The following KHDRBS2 variants were observed in gnomAD, a reference collection of about 807,000 sequenced individuals.
KHDRBS2 encodes KH RNA binding domain containing, signal transduction associated 2.
In KHDRBS2, 26 loss-of-function variants were observed where a neutral mutation model predicts 44.3. The ratio of observed to expected loss-of-function variants is 0.59; its 90% CI spans 0.43 to 0.81. The LOEUF is 0.81. Ranked by LOEUF, KHDRBS2 falls within the 40% of genes least tolerant of loss-of-function variation. The pLI is 0.00. For missense variants in KHDRBS2, 476 were observed against 433.1 expected, an observed-to-expected ratio of 1.10 and a Z score of -0.88; for synonymous variants, 194 against 151.1, an observed-to-expected ratio of 1.28 and a Z score of -2.08.
intron 3 of KHDRBS2, among the ~76,000 whole-genome samples, chr6:61,987,799 G>GAGCA (rs1451716616): frequency 6.6e-6 from 1 of 152,142 alleles, no homozygotes; most frequent in African/African-American, 2.4e-5. Context: ...AGATCCTGAA[G>GAGCA]AGCACCTCTA....
At chr6:61,715,196 C>T (rs1771185256) in intron 7 of KHDRBS2, among the ~76,000 whole-genome samples, 1 of 151,680 alleles carries the variant, frequency 6.6e-6, no homozygotes, top group African/African-American at 2.4e-5. Flanking sequence ...ACAACGAACG[C>T]ATAGAAATGT....
At chr6:61,598,000 A>G in the KHDRBS2 span, among the ~76,000 whole-genome samples, 1 of 149,798 alleles carries the variant, frequency 6.7e-6, no homozygotes, top group South Asian at 2.1e-4. Flanking sequence ...TAAGGAGCAA[A>G]TATTTTGTAC....
the KHDRBS2 span, among the ~76,000 whole-genome samples, chr6:61,566,740 A>C: frequency 6.6e-6 from 1 of 152,126 alleles, no homozygotes; most frequent in Non-Finnish European, 1.5e-5. Context: ...AGCCAATCAA[A>C]CTATGTTTTC....
chr6:61,704,408 C>A (rs193209896), intron 7 of KHDRBS2, among the ~76,000 whole-genome samples: 1 of 151,800 alleles, frequency 6.6e-6, no homozygotes, highest in Non-Finnish European at 1.5e-5. Flanking sequence ...GTAGGAATTT[C>A]CTGGGTAAGA....
At chr6:61,551,032 C>T in the KHDRBS2 span, among the ~76,000 whole-genome samples, 3 of 152,084 alleles carry the variant, frequency 2.0e-5, no homozygotes, top group Admixed American at 1.3e-4. Context: ...TTGCGGCTCC[C>T]CAGGTTGCTG....
At chr6:61,782,738 T>TATATACAC (rs1554206170) in intron 6 of KHDRBS2, among the ~76,000 whole-genome samples, 10 of 117,876 alleles carry the variant, frequency 8.5e-5, no homozygotes, top group African/African-American at 2.4e-4. Flanking sequence ...TATATATATA[T>TATATACAC]ACACACACAC....
chr6:62,262,631 C>A (rs1215242173), intron 1 of KHDRBS2, among the ~76,000 whole-genome samples: 1 of 151,690 alleles, frequency 6.6e-6, no homozygotes, highest in African/African-American at 2.4e-5. Flanking sequence ...TCTAACCTAT[C>A]TGAAATTCTG....
At chr6:61,752,671 C>CAAAAAAAAA (rs56410130) in intron 6 of KHDRBS2, among the ~76,000 whole-genome samples, 2 of 111,312 alleles carry the variant, frequency 1.8e-5, no homozygotes, top group East Asian at 2.5e-4. Flanking sequence ...TTGTGGTATA[C>CAAAAAAAAA]AAAAAAAAAA....
intron 4 of KHDRBS2, among the ~76,000 whole-genome samples, chr6:61,944,916 C>A (rs1425045727): frequency 6.6e-6 from 1 of 150,976 alleles, no homozygotes; most frequent in Non-Finnish European, 1.5e-5. Context: ...CATGAGGAAA[C>A]CCCATCTCTA....
intron 2 of KHDRBS2, among the ~76,000 whole-genome samples, chr6:62,118,486 G>A (rs761847734): frequency 6.6e-6 from 1 of 152,084 alleles, no homozygotes; most frequent in Non-Finnish European, 1.5e-5. Context: ...GATCACTTTA[G>A]GTAACATTTT....
intron 6 of KHDRBS2, among the ~76,000 whole-genome samples, chr6:61,872,673 A>G (rs938597374): frequency 1.3e-5 from 2 of 152,204 alleles, no homozygotes; most frequent in Admixed American, 6.5e-5. Flanking sequence ...AAAGACGTTA[A>G]TTCTTTCCCA....
At chr6:61,605,715 T>C in the KHDRBS2 span, among the ~76,000 whole-genome samples, 1 of 152,164 alleles carries the variant, frequency 6.6e-6, no homozygotes, top group East Asian at 1.9e-4. Context: ...AAAGCAGCCC[T>C]GAGAAACATC....
rs1330704265 is a variant in KHDRBS2, at chr6:62,025,552, C to CAT, written c.336+22325_336+22326insAT. 5.3e-5 allele frequency among the ~76,000 whole-genome samples: 8 copies of CAT among 151,616 alleles called. No individual in the cohort carries two copies. The East Asian group carries it at 1.5e-3, about 29-fold the overall frequency. The stretch of plus-strand genomic sequence containing the variant: ...AAATTTTTTTTAAATAATACAAGAC[C>CAT]TCAATACCATTATCACACATAATAA... On this transcript the variant is annotated intron_variant, in intron 3 of 8. Transcript: ENST00000281156.
intron 2 of KHDRBS2, among the ~76,000 whole-genome samples, chr6:62,150,125 A>T (rs1814812018): frequency 6.6e-6 from 1 of 152,180 alleles, no homozygotes; most frequent in African/African-American, 2.4e-5. Flanking sequence ...AGAGTCATCC[A>T]GCCAACGGGA....
the KHDRBS2 span, among the ~76,000 whole-genome samples, chr6:61,672,397 T>A: frequency 6.6e-6 from 1 of 152,026 alleles, no homozygotes; most frequent in African/African-American, 2.4e-5. Flanking sequence ...TATTTCTAGT[T>A]CTAGATCCCT....
chr6:61,567,146 A>G, the KHDRBS2 span, among the ~76,000 whole-genome samples: 4 of 152,316 alleles, frequency 2.6e-5, no homozygotes, highest in Admixed American at 2.6e-4. Context: ...TGTTTCAATG[A>G]TTACATTTCA....
chr6:61,797,898 A>G (rs1232181915), intron 6 of KHDRBS2, among the ~76,000 whole-genome samples: 1 of 151,868 alleles, frequency 6.6e-6, no homozygotes, highest in Non-Finnish European at 1.5e-5. Context: ...CAGGAGGTAT[A>G]TGTGTAGTTT....
chr6:61,746,150 G>A (rs1776826598), intron 6 of KHDRBS2, among the ~76,000 whole-genome samples: 1 of 152,036 alleles, frequency 6.6e-6, no homozygotes, highest in Non-Finnish European at 1.5e-5. Flanking sequence ...GTGCCATGGT[G>A]GTTTCCTGTT....
chr6:61,708,150 CAT>C (rs1370712505), intron 7 of KHDRBS2, among the ~76,000 whole-genome samples: 3 of 151,612 alleles, frequency 2.0e-5, no homozygotes, highest in African/African-American at 7.3e-5. Context: ...TTAGTGCTCA[CAT>C]GTGTGATTAT....
Sources: allele counts gnomAD v4.1 joint callset (sites outside exome capture counted in the v4.1 genomes callset), GRCh38; gene constraint gnomAD v4.1.1; transcripts MANE v1.5; gene names NCBI Gene and HGNC (gene_info 2026-07-23, HGNC 2026-07-21).